Variants in DSG3 observed in about 807,000 individuals in gnomAD.
DSG3 encodes the protein desmoglein-3.
DSG3 carries 63 observed loss-of-function variants against 85.9 expected under a neutral mutation model. The observed-to-expected ratio is 0.73, with a 90% CI of 0.60 to 0.90. The LOEUF (loss-of-function observed/expected upper bound fraction) is 0.90. DSG3 is among the 40% of genes least tolerant of loss of function. DSG3 has a pLI of 0.00. For missense variants in DSG3, 1,220 were observed against 1,219.9 expected, an observed-to-expected ratio of 1.00 and a Z score of 0.00; for synonymous variants, 447 against 441.9, an observed-to-expected ratio of 1.01 and a Z score of -0.14.
At chr18:31,465,178 C>A in intron 9 of DSG3, 140 bp from the exon 10 acceptor site, 1 of 560,896 alleles carries the variant, frequency 1.8e-6, no homozygotes, top group African/African-American at 2.0e-5. Flanking sequence ...TGTTAATTTT[C>A]TGTTGCTTTT....
Position 31,457,000 on chromosome 18 carries a change from G to C in DSG3, c.92G>C (p.Gly31Ala). 1 of 1,607,358 alleles carries C rather than the reference G, an allele frequency of 6.2e-7. No homozygotes were observed. Among genetic ancestry groups the C allele is most frequent in the South Asian group, 1.1e-5 (1 of 89,222 alleles). Residue 31 changes from glycine to alanine, a missense_variant, in exon 3 of 16, where the codon GGT (glycine) becomes GCT (alanine). Coordinates refer to ENST00000257189, the MANE Select transcript of DSG3 (RefSeq NM_001944.3). ...VHGELRIETK[G>A]QYDEEEMTMQ... ...AATCCCTTTTTACATAAGACTAAAG[G>C]TCAATATGATGAAGAAGAGATGACT...
At chr18:31,464,425 T>C in intron 9 of DSG3, 43 bp downstream of exon 9, 1 of 1,554,716 alleles carries the variant, frequency 6.4e-7, no homozygotes, top group Non-Finnish European at 8.7e-7. Context: ...GATGAGGTTT[T>C]AATCTATAAG....
intron 12 of DSG3, among the ~76,000 whole-genome samples, chr18:31,471,146 A>G (rs1568091132): frequency 2.0e-5 from 3 of 152,226 alleles, no homozygotes; most frequent in South Asian, 2.1e-4. Context: ...GAGCTGTGAC[A>G]TGAGACTGGA....
rs141972001 is a variant in DSG3 at position 31,465,378 on chromosome 18, C to T, written c.1332C>T (p.Ile444=). ...YLMIDSKTAE[I]KFVKNMNRDS... ...TGATTGATTCAAAAACTGCTGAAAT[C>T]AAATTTGTCAAAAATATGAACCGAG... Residue 444 remains isoleucine (I), a synonymous_variant, in exon 10 of 16, where the codon ATC becomes ATT. Transcript: ENST00000257189. 9 of 1,545,524 alleles carry T rather than the reference C, an allele frequency of 5.8e-6. No homozygotes were observed. The African/African-American group carries it at 1.1e-4, about 19-fold the overall frequency.
Position 31,469,303 on chromosome 18 carries a change from G to A in DSG3, c.1851G>A (p.Gly617=). 4 of 1,613,708 alleles carry A rather than the reference G, an allele frequency of 2.5e-6. No homozygotes were observed. Among genetic ancestry groups the A allele is most frequent in the Middle Eastern group, 3.5e-4 (2 of 5,764 alleles). The change falls in exon 12 of 16, where the codon GGG becomes GGA. Residue 617 remains glycine (G), a synonymous_variant. Transcript: ENST00000257189. ...GCAGGCCGCACTCAGGGAGGCTGGG[G>A]CCTGCCGCCATCGGCCTGCTGCTCC... ...RYGRPHSGRL[G]PAAIGLLLLG...
intron 9 of DSG3, among the ~76,000 whole-genome samples, chr18:31,465,015 C>G (rs552057047): frequency 1.3e-4 from 19 of 151,854 alleles, no homozygotes; most frequent in African/African-American, 4.3e-4. Flanking sequence ...ACCTGTAATC[C>G]CAGCTACTCG....
chr18:31,464,373 C>T lies in DSG3; in HGVS notation c.1262C>T (p.Ser421Leu). The T allele has an allele frequency of 6.2e-7, 1 of 1,606,594 alleles. No individual in the cohort carries two copies. Among genetic ancestry groups the T allele is most frequent in the Non-Finnish European group, 8.5e-7 (1 of 1,175,946 alleles). Reference protein sequence around the residue: ...AIDEDTNKAASNVKYVMGRND... With the variant: ...AIDEDTNKAALNVKYVMGRND... ...GATGAGGACACTAACAAAGCTGCCT[C>T]AAATGTCAAGTAAGACTATTTTTAT... Residue 421 changes from serine to leucine, a missense_variant, in exon 9 of 16, where the codon TCA (serine) becomes TTA (leucine). Transcript: ENST00000257189.
intron 8 of DSG3, among the ~76,000 whole-genome samples, chr18:31,462,201 T>C (rs1462130616): frequency 2.0e-5 from 3 of 152,072 alleles, no homozygotes; most frequent in Non-Finnish European, 2.9e-5. Flanking sequence ...GCCTCCTGAG[T>C]AGCAGGGTCC....
At position 31,458,570 on chromosome 18, in the gene DSG3, A is replaced by G. The variant is rs1173617026; in HGVS notation, c.342A>G (p.Ile114Met). 6.2e-7 allele frequency: 1 copy of G among 1,613,944 alleles called. No homozygotes were observed. The highest frequency in any genetic ancestry group is 2.2e-5 in the East Asian group (1 of 44,880). ...CTGGAGATATTAACATAACAGCTAT[A>G]GTCGACCGGGAGGAAACTCCAAGCT... ...KNTGDINITA[I>M]VDREETPSFL... is the part of the protein sequence containing the mutation. Residue 114 changes from isoleucine (I) to methionine (M), a missense_variant, in exon 4 of 16, where the codon ATA becomes ATG. Coordinates refer to ENST00000257189, the MANE Select transcript of DSG3 (RefSeq NM_001944.3).
intron 10 of DSG3, among the ~76,000 whole-genome samples, chr18:31,465,727 C>T (rs774543507): frequency 5.9e-5 from 9 of 152,170 alleles, no homozygotes; most frequent in Middle Eastern, 3.4e-3. Flanking sequence ...TGACAGAAAT[C>T]CCTGGGTTTG....
intron 3 of DSG3, 24 bp downstream of exon 3, chr18:31,457,148 A>G (rs771948128): frequency 1.9e-6 from 3 of 1,593,522 alleles, no homozygotes; most frequent in East Asian, 2.2e-5. Context: ...ACAGGAGCGT[A>G]TGAGTTTTTA....
chr18:31,454,371 A>G (rs137869030), intron 1 of DSG3, among the ~76,000 whole-genome samples: 1 of 152,326 alleles, frequency 6.6e-6, no homozygotes, highest in African/African-American at 2.4e-5. Flanking sequence ...TACTGCTTTA[A>G]AAAGAGCAAC....
At chr18:31,473,774 T>C (rs2072869452) in intron 14 of DSG3, among the ~76,000 whole-genome samples, 1 of 152,248 alleles carries the variant, frequency 6.6e-6, no homozygotes, top group Non-Finnish European at 1.5e-5. Context: ...ACTGCTTAAC[T>C]ATAATGTTTT....
rs758785976 is a variant in DSG3, at chr18:31,475,812, C to A, written c.2552C>A (p.Pro851His). The change falls in exon 16 of 16, where the codon CCC becomes CAC. Residue 851 changes from proline (P) to histidine (H), a missense_variant. By Grantham distance (77) the Pro-to-His change is moderately conservative. Coordinates refer to ENST00000257189, the MANE Select transcript of DSG3 (RefSeq NM_001944.3). ...LDDSFLDSLG[P>H]KFKKLAEISL... ...GACAGCTTCTTGGACTCACTTGGACCCAAATTTAAAAAACTTGCAGAGATA... is the reference window on the plus strand; with the variant it reads ...GACAGCTTCTTGGACTCACTTGGACACAAATTTAAAAAACTTGCAGAGATA... The A allele has an allele frequency of 1.9e-6, 3 of 1,613,994 alleles. No individual in the cohort carries two copies. The highest frequency in any genetic ancestry group is 1.7e-5 in the Admixed American group (1 of 59,998).
chr18:31,451,427 A>G (rs1476393253), intron 1 of DSG3, among the ~76,000 whole-genome samples: 3 of 152,222 alleles, frequency 2.0e-5, no homozygotes, highest in Non-Finnish European at 4.4e-5. Context: ...AAAAGAGAGA[A>G]GCAGTTTAAA....
chr18:31,449,544 T>C (rs956389168), intron 1 of DSG3, among the ~76,000 whole-genome samples: 3 of 152,346 alleles, frequency 2.0e-5, no homozygotes. Context: ...GACATCCTTA[T>C]ATTGAGGCTA....
At chr18:31,467,302 C>T (rs2072828365) in intron 11 of DSG3, among the ~76,000 whole-genome samples, 1 of 152,040 alleles carries the variant, frequency 6.6e-6, no homozygotes, top group South Asian at 2.1e-4. Flanking sequence ...GATCCTGCCA[C>T]TGCACTCCAG....
At position 31,459,043 on chromosome 18, in the gene DSG3, G is replaced by A. The variant is rs573647759; in HGVS notation, c.383G>A (p.Arg128Gln). ...EETPSFLITC[R>Q]ALNAQGLDVE... ...TCCCTCTGTTCCTAGATCACATGTC[G>A]GGCTCTAAATGCCCAAGGACTAGAT... is the stretch of plus-strand genomic sequence containing the variant. The change falls in exon 5 of 16, where the codon CGG becomes CAG. Residue 128 changes from arginine to glutamine, a missense_variant. Arg to Gln is a conservative substitution (Grantham distance 43, BLOSUM62 1). Coordinates refer to ENST00000257189, the MANE Select transcript of DSG3 (RefSeq NM_001944.3). 46 of 1,613,064 alleles carry A rather than the reference G, an allele frequency of 2.9e-5. No homozygotes were observed. Among genetic ancestry groups the A allele is most frequent in the African/African-American group, 2.5e-4 (19 of 74,958 alleles).
rs2072903544 is a variant in DSG3, at chr18:31,478,599, GTAC to G, written c.*2344_*2346del. 1.3e-5 allele frequency: 2 copies of G among 152,104 alleles called. No individual in the cohort carries two copies. Among genetic ancestry groups the G allele is most frequent in the Non-Finnish European group, 2.9e-5 (2 of 68,018 alleles). 9.4% of individuals were successfully genotyped at this position (152,104 alleles called of 1,614,324 possible). On this transcript the variant is annotated 3_prime_UTR_variant, in exon 16 of 16. Transcript: ENST00000257189. ...GTTTTAAGCATAAAATTTTAAAACT[GTAC>G]TACTTGATGTATTATACATTTTGAA... is the stretch of plus-strand genomic sequence containing the variant.
Sources: gnomAD v4.1 joint callset for allele counts (sites outside exome capture counted in the v4.1 genomes callset) on GRCh38, gnomAD v4.1.1 for gene constraint, MANE v1.5 for transcripts, NCBI Gene and HGNC (gene_info 2026-07-23, HGNC 2026-07-21) for gene names.